The following PMFBP1 variants were observed in gnomAD, a reference collection of about 807,000 sequenced individuals.
The protein encoded by PMFBP1 is polyamine-modulated factor 1-binding protein 1.
PMFBP1 carries 131 observed loss-of-function variants against 137.8 expected under a neutral mutation model. The ratio of observed to expected loss-of-function variants is 0.95; its 90% CI spans 0.82 to 1.10. The LOEUF is 1.10. Ranked by LOEUF, PMFBP1 falls within the 50% of genes least tolerant of loss-of-function variation. The pLI, the probability that PMFBP1 is intolerant of heterozygous loss-of-function variation, is 0.00. For missense variants in PMFBP1, 1,199 were observed against 1,175.4 expected (o/e 1.02, Z -0.29); for synonymous variants, 490 against 450.4 (o/e 1.09, Z -1.11).
chr16:72,154,394 C>G lies in PMFBP1; in HGVS notation c.231G>C (p.Gln77His), dbSNP rs200554118. ...GTTGCTGGAGTTGTCTCAGATGACACTGTTTACTGGACCCAAATTCCACCT... is the reference window on the plus strand; with the variant it reads ...GTTGCTGGAGTTGTCTCAGATGACAGTGTTTACTGGACCCAAATTCCACCT... Reference protein sequence around the residue: ...ESEVEFGSSKQCHLRQLQQLK... With the variant: ...ESEVEFGSSKHCHLRQLQQLK... The change falls in exon 4 of 21, where the codon CAG becomes CAC. Residue 77 changes from glutamine to histidine, a missense_variant. Gln to His is a conservative substitution (Grantham distance 24, BLOSUM62 0). Transcript: ENST00000237353. The G allele has an allele frequency of 6.2e-7, 1 of 1,614,198 alleles. No individual in the cohort carries two copies. Among genetic ancestry groups the G allele is most frequent in the East Asian group, 2.2e-5 (1 of 44,878 alleles).
Position 72,128,654 on chromosome 16 carries a change from C to G in PMFBP1, c.2088+3G>C. 6.2e-7 allele frequency: 1 copy of G among 1,614,108 alleles called. No homozygotes were observed. Among genetic ancestry groups the G allele is most frequent in the Non-Finnish European group, 8.5e-7 (1 of 1,180,018 alleles). The stretch of plus-strand genomic sequence containing the variant: ...CACTCCCTTGGGGTTCCTGTCTACT[C>G]ACCTCTTTATTCAAGTCTTGGATGA... On this transcript the variant is annotated splice_donor_region_variant and intron_variant, in intron 14 of 20. Coordinates refer to ENST00000237353, the MANE Select transcript of PMFBP1 (RefSeq NM_031293.3).
chr16:72,172,615 T>C (rs1389945334), upstream of PMFBP1: 5 of 151,688 alleles, frequency 3.3e-5, no homozygotes, highest in African/African-American at 1.2e-4. Context: ...CAAAGAAATA[T>C]AGGCATATGT....
At chr16:72,178,424 A>G (rs184895633), upstream of PMFBP1, among the ~76,000 whole-genome samples, 69 of 152,338 alleles carry the variant, frequency 4.5e-4, no homozygotes, top group Non-Finnish European at 2.4e-4. Context: ...GTCACCTGCT[A>G]TCTTTAGCAA....
At chr16:72,186,594 TTA>T in the PMFBP1 span, among the ~76,000 whole-genome samples, 1 of 152,050 alleles carries the variant, frequency 6.6e-6, no homozygotes, top group Admixed American at 6.6e-5. Context: ...TTCGTGTACA[TTA>T]GCCTGACCTC....
the PMFBP1 span, among the ~76,000 whole-genome samples, chr16:72,218,270 C>T: frequency 6.6e-6 from 1 of 152,194 alleles, no homozygotes; most frequent in Non-Finnish European, 1.5e-5. Flanking sequence ...TCAATGGAAT[C>T]TACCAGAAAA....
At chr16:72,145,708 A>G (rs1363320368) in intron 5 of PMFBP1, among the ~76,000 whole-genome samples, 5 of 152,258 alleles carry the variant, frequency 3.3e-5, no homozygotes, top group Non-Finnish European at 7.3e-5. Flanking sequence ...ATCACCACTG[A>G]TTCCACAGAA....
At chr16:72,138,830 A>C (rs2042671843) in intron 7 of PMFBP1, among the ~76,000 whole-genome samples, 1 of 148,366 alleles carries the variant, frequency 6.7e-6, no homozygotes, top group South Asian at 2.1e-4. Flanking sequence ...AATTCTTGCT[A>C]TTTGTTTACA....
intron 3 of PMFBP1, among the ~76,000 whole-genome samples, chr16:72,162,839 G>T (rs1436111641): frequency 6.6e-6 from 1 of 152,164 alleles, no homozygotes; most frequent in Admixed American, 6.5e-5. Context: ...GACAGCAATG[G>T]TGAAAATATC....
the PMFBP1 span, among the ~76,000 whole-genome samples, chr16:72,220,278 G>C: frequency 1.3e-5 from 2 of 152,210 alleles, no homozygotes; most frequent in Non-Finnish European, 2.9e-5. Flanking sequence ...AATTAGCTTA[G>C]ATGCCCAACT....
upstream of PMFBP1, among the ~76,000 whole-genome samples, chr16:72,181,825 G>A (rs2043277243): frequency 6.6e-6 from 1 of 152,126 alleles, no homozygotes; most frequent in Non-Finnish European, 1.5e-5. Context: ...ACAGATAAAA[G>A]AAATGATTGT....
intron 3 of PMFBP1, among the ~76,000 whole-genome samples, chr16:72,162,774 A>G (rs2043083473): frequency 1.3e-5 from 2 of 152,390 alleles, no homozygotes; most frequent in African/African-American, 4.8e-5. Flanking sequence ...CCAAGTTGCC[A>G]GGTACATTTA....
At chr16:72,191,887 C>T in the PMFBP1 span, among the ~76,000 whole-genome samples, 73,695 of 152,114 alleles carry the variant, frequency 0.48, 19,175 homozygotes, top group African/African-American at 0.68. Context: ...ATTTTACATA[C>T]TGGAAAATGA....
At chr16:72,139,546 G>C (rs1364663673) in intron 6 of PMFBP1, 147 bp from the exon 7 acceptor site, 3 of 690,464 alleles carry the variant, frequency 4.3e-6, no homozygotes, top group Non-Finnish European at 5.1e-6. Flanking sequence ...GGTAGGTAGG[G>C]AGAAGGAATT....
chr16:72,200,676 C>G, the PMFBP1 span, among the ~76,000 whole-genome samples: 1 of 152,222 alleles, frequency 6.6e-6, no homozygotes, highest in Non-Finnish European at 1.5e-5. Context: ...TTATTATGTT[C>G]GTTAATCTAT....
chr16:72,127,306 T>A (rs1217678069), intron 14 of PMFBP1, among the ~76,000 whole-genome samples: 1 of 152,248 alleles, frequency 6.6e-6, no homozygotes, highest in Non-Finnish European at 1.5e-5. Context: ...ATATTTTACA[T>A]GCCCTGGTGG....
At chr16:72,180,067 G>A (rs370209721), upstream of PMFBP1, among the ~76,000 whole-genome samples, 30 of 152,244 alleles carry the variant, frequency 2.0e-4, 2 homozygotes, top group Admixed American at 1.0e-3. Flanking sequence ...TTTCTACAGG[G>A]GTCCTTTCCC....
chr16:72,172,974 C>G (rs901087466), upstream of PMFBP1, among the ~76,000 whole-genome samples: 5 of 152,146 alleles, frequency 3.3e-5, no homozygotes, highest in African/African-American at 9.7e-5. Flanking sequence ...CGAGGTATGC[C>G]TGTACTGGCG....
intron 3 of PMFBP1, among the ~76,000 whole-genome samples, chr16:72,154,848 C>T (rs1373432962): frequency 6.6e-6 from 1 of 152,118 alleles, no homozygotes; most frequent in Non-Finnish European, 1.5e-5. Context: ...TTGGACTAAA[C>T]TTGGTATTAA....
the PMFBP1 span, among the ~76,000 whole-genome samples, chr16:72,216,217 C>G: frequency 6.6e-6 from 1 of 152,160 alleles, no homozygotes; most frequent in Non-Finnish European, 1.5e-5. Flanking sequence ...TCCTCTATCC[C>G]AGAATCATTA....
Sources: allele counts gnomAD v4.1 joint callset (sites outside exome capture counted in the v4.1 genomes callset), GRCh38; gene constraint gnomAD v4.1.1; transcripts MANE v1.5; gene names NCBI Gene and HGNC (gene_info 2026-07-23, HGNC 2026-07-21).